The following EDDM13 variants were observed in gnomAD, a reference collection of about 807,000 sequenced individuals.
EDDM13 encodes the protein epididymal protein 13.
A neutral mutation model predicts 17.8 loss-of-function variants in EDDM13; 24 were observed. The observed-to-expected ratio is 1.35, with a 90% CI of 0.98 to 1.90. The LOEUF (loss-of-function observed/expected upper bound fraction) is 1.90, where lower values mean the gene tolerates loss of function less well. EDDM13 is among the 40% of genes most tolerant of loss of function. The pLI, the probability that EDDM13 is intolerant of heterozygous loss-of-function variation, is 0.00. For missense variants in EDDM13, 97 were observed against 100.8 expected, an observed-to-expected ratio of 0.96 and a Z score of 0.16; for synonymous variants, 31 against 37.5, an observed-to-expected ratio of 0.83 and a Z score of 0.63.
intron 1 of EDDM13, chr19:56,274,834 T>TC (rs1281306771): frequency 1.3e-5 from 2 of 152,216 alleles, no homozygotes; most frequent in African/African-American, 4.8e-5. Context: ...CATTTTGTTA[T>TC]CCCATCTCCT....
In EDDM13 at chr19:56,293,186, C is replaced by T. The variant is rs181882902; in HGVS notation, c.232+2340C>T. ...AATGGTATCCTGCAGCTCAAGAGCA[C>T]GTTCTGGGTACCAGGCATGGTTGTT... is the stretch of plus-strand genomic sequence containing the variant. On this transcript the variant is annotated intron_variant, in intron 9 of 14. Coordinates refer to ENST00000649256, the MANE Select transcript of EDDM13 (RefSeq NM_001354658.2). Among the ~76,000 whole-genome samples the T allele has an allele frequency of 1.9e-4, 29 of 152,302 alleles. 1 individual carries two copies. The highest frequency in any genetic ancestry group is 3.9e-4 in the East Asian group (2 of 5,174).
At chr19:56,290,362 A>G (rs1185831588) in intron 8 of EDDM13, among the ~76,000 whole-genome samples, 2 of 152,240 alleles carry the variant, frequency 1.3e-5, no homozygotes, top group Non-Finnish European at 2.9e-5. Context: ...AGAGCTGCAT[A>G]GTTGTGACTG....
chr19:56,284,498 G>C (rs1007704933), intron 5 of EDDM13, among the ~76,000 whole-genome samples: 1 of 144,148 alleles, frequency 6.9e-6, no homozygotes, highest in Non-Finnish European at 1.5e-5. Context: ...TTAGAGACAA[G>C]TGATGCTTGC....
chr19:56,304,339 C>A (rs549650173), intron 13 of EDDM13, among the ~76,000 whole-genome samples: 1 of 152,280 alleles, frequency 6.6e-6, no homozygotes, highest in African/African-American at 2.4e-5. Flanking sequence ...GGTTCTGAAA[C>A]GGGGGTGACG....
At chr19:56,279,443 C>T (rs1490303008) in intron 2 of EDDM13, among the ~76,000 whole-genome samples, 1 of 152,130 alleles carries the variant, frequency 6.6e-6, no homozygotes, top group Non-Finnish European at 1.5e-5. Context: ...ACTGTGAGAA[C>T]ATAATTTAAT....
chr19:56,305,189 A>C (rs1016709631), intron 14 of EDDM13, among the ~76,000 whole-genome samples: 1 of 152,186 alleles, frequency 6.6e-6, no homozygotes, highest in Non-Finnish European at 1.5e-5. Flanking sequence ...CATCACCACT[A>C]ATCTGTTTCC....
At chr19:56,280,222 C>G (rs1187974103) in intron 2 of EDDM13, among the ~76,000 whole-genome samples, 1 of 152,154 alleles carries the variant, frequency 6.6e-6, no homozygotes, top group East Asian at 1.9e-4. Flanking sequence ...ACTTTTTTCA[C>G]CTAATAATAC....
intron 2 of EDDM13, among the ~76,000 whole-genome samples, chr19:56,280,934 G>A (rs1035122634): frequency 2.0e-5 from 3 of 152,146 alleles, no homozygotes; most frequent in East Asian, 1.9e-4. Context: ...TGAACAATGT[G>A]AGAGTTAGGG....
At chr19:56,304,316 C>T (rs940038287) in intron 13 of EDDM13, among the ~76,000 whole-genome samples, 2 of 152,180 alleles carry the variant, frequency 1.3e-5, no homozygotes, top group Admixed American at 6.5e-5. Context: ...ACAGTGACTT[C>T]AGTTATGCTA....
intron 1 of EDDM13, among the ~76,000 whole-genome samples, chr19:56,275,819 G>A (rs895137142): frequency 9.2e-5 from 14 of 152,320 alleles, no homozygotes; most frequent in South Asian, 4.1e-4. Flanking sequence ...ATTTATCTGC[G>A]TCTCCAACAC....
chr19:56,286,103 C>G (rs1199447524), intron 6 of EDDM13, among the ~76,000 whole-genome samples: 5 of 152,106 alleles, frequency 3.3e-5, no homozygotes, highest in Non-Finnish European at 1.5e-5. Flanking sequence ...CTCATTGCAA[C>G]CTCCGCCTCC....
At chr19:56,289,006 C>G (rs2039332026) in intron 8 of EDDM13, among the ~76,000 whole-genome samples, 115 bp downstream of exon 8, 1 of 152,170 alleles carries the variant, frequency 6.6e-6, no homozygotes, top group Non-Finnish European at 1.5e-5. Context: ...CAGTGTTTAG[C>G]CATTCGCCTG....
intron 9 of EDDM13, among the ~76,000 whole-genome samples, chr19:56,294,455 A>G (rs1230912005): frequency 6.6e-6 from 1 of 152,226 alleles, no homozygotes; most frequent in African/African-American, 2.4e-5. Context: ...TGCTTGTTTG[A>G]GAATTCAGTG....
intron 14 of EDDM13, among the ~76,000 whole-genome samples, 167 bp from the exon 15 acceptor site, chr19:56,309,957 G>A (rs2040932308): frequency 6.6e-6 from 1 of 152,180 alleles, no homozygotes; most frequent in Non-Finnish European, 1.5e-5. Context: ...CAAACTTGGT[G>A]GAACCTAGTG....
At chr19:56,297,555 T>G in intron 12 of EDDM13, 24 bp downstream of exon 12, 1 of 981,880 alleles carries the variant, frequency 1.0e-6, no homozygotes, top group Non-Finnish European at 1.2e-6. Flanking sequence ...GTCGTACCAT[T>G]CCTCATCTAT....
chr19:56,303,007 G>A (rs552140829), intron 13 of EDDM13: 11 of 396,710 alleles, frequency 2.8e-5, no homozygotes, highest in South Asian at 1.4e-4. Flanking sequence ...AGGCAGTGGC[G>A]CTTATCTCAG....
At chr19:56,299,594 C>A (rs1378547482) in intron 12 of EDDM13, among the ~76,000 whole-genome samples, 1 of 152,106 alleles carries the variant, frequency 6.6e-6, no homozygotes, top group Non-Finnish European at 1.5e-5. Flanking sequence ...AGGACCTCCC[C>A]GCAGATAGCA....
intron 2 of EDDM13, among the ~76,000 whole-genome samples, chr19:56,278,989 T>C (rs1315698194): frequency 6.6e-6 from 1 of 152,126 alleles, no homozygotes; most frequent in Non-Finnish European, 1.5e-5. Context: ...CACACCCCAA[T>C]ATCCTCCAGA....
intron 9 of EDDM13, among the ~76,000 whole-genome samples, chr19:56,291,804 G>GGATGTCTC (rs1431770619): frequency 6.6e-6 from 1 of 152,034 alleles, no homozygotes; most frequent in African/African-American, 2.4e-5. Flanking sequence ...CAAATAGATG[G>GGATGTCTC]GATGTCTCAT....
Sources: gnomAD v4.1 joint callset for allele counts (sites outside exome capture counted in the v4.1 genomes callset) on GRCh38, gnomAD v4.1.1 for gene constraint, MANE v1.5 for transcripts, NCBI Gene and HGNC (gene_info 2026-07-23, HGNC 2026-07-21) for gene names.